ZAP70: variants seen among roughly 807,000 people sequenced by gnomAD.
The protein encoded by ZAP70 is zeta chain of T cell receptor associated protein kinase 70.
A neutral mutation model predicts 65.8 loss-of-function variants in ZAP70; 27 were observed. The observed-to-expected ratio is 0.41, with a 90% confidence interval of 0.30 to 0.57. The LOEUF (loss-of-function observed/expected upper bound fraction) is 0.57. Ranked by LOEUF, ZAP70 falls within the 20% of genes least tolerant of loss-of-function variation. The pLI, the probability that ZAP70 is intolerant of heterozygous loss-of-function variation, is 0.28. For missense variants in ZAP70, 696 were observed against 870.5 expected, an observed-to-expected ratio of 0.80 and a Z score of 2.52; for synonymous variants, 363 against 360.8, an observed-to-expected ratio of 1.01 and a Z score of -0.07.
At position 97,724,052 on chromosome 2, in the gene ZAP70, G is replaced by A. The variant is rs1677267957; in HGVS notation, c.16G>A (p.Ala6Thr). The A allele has an allele frequency of 1.9e-6, 3 of 1,553,760 alleles. No homozygotes were observed. The East Asian group carries it at 7.1e-5, about 37-fold the overall frequency. Reference sequence around the variant, plus strand: ...CCCAGGGGCGATGCCAGACCCCGCGGCGCACCTGCCCTTCTTCTACGGCAG... The same window carrying A: ...CCCAGGGGCGATGCCAGACCCCGCGACGCACCTGCCCTTCTTCTACGGCAG... MPDPA[A>T]HLPFFYGSIS... The change falls in exon 3 of 14, where the codon GCG (alanine) becomes ACG (threonine). Residue 6 changes from alanine (A) to threonine (T), a missense_variant. Physicochemically the swap from Ala to Thr is moderately conservative, Grantham distance 58. Coordinates refer to ENST00000264972, the MANE Select transcript of ZAP70 (RefSeq NM_001079.4).
Position 97,737,698 on chromosome 2 carries a change from TG to T in ZAP70, c.1482+36del. 1 of 1,614,062 alleles carries T rather than the reference TG, an allele frequency of 6.2e-7. No individual in the cohort carries two copies. Among genetic ancestry groups the T allele is most frequent in the Non-Finnish European group, 8.5e-7 (1 of 1,179,964 alleles). On this transcript the variant is annotated intron_variant, in intron 11 of 13. Coordinates refer to ENST00000264972, the MANE Select transcript of ZAP70 (RefSeq NM_001079.4). The surrounding 1 kb of genome is among the most constrained non-coding windows in gnomAD (Gnocchi z 5.0). ...TCTGCCCCTGTGATGCCCGACTGGA[TG>T]GGCTGGGTGGGTAGAGGGTCCCTGA...
At chr2:97,721,908 C>T (rs986553065) in intron 2 of ZAP70, among the ~76,000 whole-genome samples, 1 of 151,666 alleles carries the variant, frequency 6.6e-6, no homozygotes, top group Non-Finnish European at 1.5e-5. Context: ...TTCAGCCTCC[C>T]GAGTAGCTGG....
At chr2:97,735,019 T>C in intron 9 of ZAP70, 1 of 655,168 alleles carries the variant, frequency 1.5e-6, no homozygotes, top group South Asian at 1.9e-5. Context: ...AGGGTGTCAC[T>C]TTGGATTCTT....
In ZAP70 at chr2:97,737,705, G is replaced by C. The variant is rs1458929322; in HGVS notation, c.1482+40G>C. ...CTGTGATGCCCGACTGGATGGGCTG[G>C]GTGGGTAGAGGGTCCCTGACCCCTG... On this transcript the variant is annotated intron_variant, in intron 11 of 13. Transcript: ENST00000264972. This position sits in a 1 kb window ranked among gnomAD's most constrained non-coding sequence, Gnocchi z 5.0. 2.5e-6 allele frequency: 4 copies of C among 1,613,948 alleles called. No homozygotes were observed. Among genetic ancestry groups the C allele is most frequent in the Non-Finnish European group, 3.4e-6 (4 of 1,179,990 alleles).
chr2:97,744,482 C>T (rs927714485), downstream of ZAP70, among the ~76,000 whole-genome samples: 1 of 152,164 alleles, frequency 6.6e-6, no homozygotes, highest in Non-Finnish European at 1.5e-5. Context: ...CTGTGTTTAC[C>T]TTTCTGAGTA....
At chr2:97,716,745 G>A (rs1301017823) in intron 2 of ZAP70, among the ~76,000 whole-genome samples, 1 of 152,126 alleles carries the variant, frequency 6.6e-6, no homozygotes, top group Non-Finnish European at 1.5e-5. Context: ...ATCATGAAGG[G>A]CCTTGGGGGC....
At chr2:97,750,941 C>T in the ZAP70 span, among the ~76,000 whole-genome samples, 4 of 152,306 alleles carry the variant, frequency 2.6e-5, no homozygotes, top group East Asian at 3.9e-4. Flanking sequence ...TCTCTCTAGT[C>T]GTTTTATTCC....
chr2:97,739,125 C>T (rs550782765), intron 13 of ZAP70, among the ~76,000 whole-genome samples: 6 of 152,290 alleles, frequency 3.9e-5, no homozygotes, highest in South Asian at 2.1e-4. Context: ...CACTGGTCAA[C>T]GCTCGGTAGA....
chr2:97,737,923 C>A lies in ZAP70; in HGVS notation c.1623+26C>A. On this transcript the variant is annotated intron_variant, in intron 12 of 13. Transcript: ENST00000264972. The surrounding 1 kb of genome is among the most constrained non-coding windows in gnomAD (Gnocchi z 5.0). The stretch of plus-strand genomic sequence containing the variant: ...GCAGGCGCGGGCAGAGGCAGGTGGG[C>A]GGTGTGGTGGGGAGGGGGATGAGGA... 6.2e-7 allele frequency: 1 copy of A among 1,613,942 alleles called. No homozygotes were observed. Among genetic ancestry groups the A allele is most frequent in the Non-Finnish European group, 8.5e-7 (1 of 1,179,876 alleles).
the ZAP70 span, among the ~76,000 whole-genome samples, chr2:97,755,874 G>GTGAC: frequency 2.0e-5 from 3 of 152,350 alleles, no homozygotes; most frequent in African/African-American, 7.2e-5. Flanking sequence ...CCTGAGAATG[G>GTGAC]TGACTGTGAC....
intron 3 of ZAP70, 188 bp from the exon 4 acceptor site, chr2:97,724,904 T>C (rs1391178153): frequency 6.5e-7 from 1 of 1,532,916 alleles, no homozygotes; most frequent in Non-Finnish European, 8.7e-7. Flanking sequence ...GTGGGGGTGG[T>C]TCCTCCCTAG....
intron 4 of ZAP70, among the ~76,000 whole-genome samples, chr2:97,732,127 C>T (rs1573276840): frequency 6.6e-6 from 1 of 152,284 alleles, no homozygotes; most frequent in East Asian, 1.9e-4. Context: ...CCCACAAATG[C>T]ACCACCTTTG....
At chr2:97,738,425 C>T (rs1453783031) in intron 13 of ZAP70, 2 of 421,398 alleles carry the variant, frequency 4.7e-6, no homozygotes, top group Non-Finnish European at 9.0e-6. Context: ...ACCTATGACA[C>T]TGACACTCAG....
rs192325636 is a variant in ZAP70 at position 97,735,532 on chromosome 2, G to C, written c.1289+76G>C. ...CTGGGCATGGTGGACATGCACCCGC[G>C]TGCATGCGTGTGTGGGAAGCCGGGG... On this transcript the variant is annotated intron_variant, in intron 10 of 13. Transcript: ENST00000264972. The C allele has an allele frequency of 7.3e-3, 10,983 of 1,512,248 alleles. 971 individuals are homozygous for C. In the Admixed American group the frequency reaches 0.16, roughly 23 times the overall value. 93.7% of individuals were successfully genotyped at this position (1,512,248 alleles called of 1,614,324 possible).
At chr2:97,728,242 G>T (rs190786590) in intron 4 of ZAP70, among the ~76,000 whole-genome samples, 1 of 152,210 alleles carries the variant, frequency 6.6e-6, no homozygotes, top group African/African-American at 2.4e-5. Flanking sequence ...TCAAACTGGC[G>T]TGCAGTCTCC....
Position 97,733,001 on chromosome 2 carries a change from A to G in ZAP70, c.682A>G (p.Lys228Glu). ...CAAGTACTGCATTCCCGAGGGCACCAAGTTTGACACGCTCTGGCAGGTAGG... is the reference window on the plus strand; with the variant it reads ...CAAGTACTGCATTCCCGAGGGCACCGAGTTTGACACGCTCTGGCAGGTAGG... Reference protein sequence around the residue: ...AGKYCIPEGTKFDTLWQLVEY... With the variant: ...AGKYCIPEGTEFDTLWQLVEY... The change falls in exon 5 of 14, where the codon AAG (lysine) becomes GAG (glutamate). Residue 228 changes from lysine (K) to glutamate (E), a missense_variant. Coordinates refer to ENST00000264972, the MANE Select transcript of ZAP70 (RefSeq NM_001079.4). 1 of 1,614,132 alleles carries G rather than the reference A, an allele frequency of 6.2e-7. No homozygotes were observed. The highest frequency in any genetic ancestry group is 8.5e-7 in the Non-Finnish European group (1 of 1,180,040).
the ZAP70 span, among the ~76,000 whole-genome samples, chr2:97,755,707 T>TCCCTGCTGTCTTCCCTCTGTGC: frequency 5.9e-5 from 9 of 152,056 alleles, no homozygotes; most frequent in East Asian, 1.9e-4. Context: ...GCTGCCCGAG[T>TCCCTGCTGTCTTCCCTCTGTGC]CCCTGCTGTC....
the ZAP70 span, among the ~76,000 whole-genome samples, chr2:97,754,503 A>G: frequency 1.3e-5 from 2 of 152,104 alleles, no homozygotes; most frequent in African/African-American, 4.8e-5. Context: ...CCCAGGTTCA[A>G]GTAATTCTCC....
chr2:97,739,296 C>A, intron 13 of ZAP70, 79 bp from the exon 14 acceptor site: 1 of 1,589,796 alleles, frequency 6.3e-7, no homozygotes, highest in Non-Finnish European at 8.6e-7. Flanking sequence ...CTCAGCCAAG[C>A]ACAGTGCATG....
Sources: gnomAD v4.1 joint callset for allele counts (sites outside exome capture counted in the v4.1 genomes callset) on GRCh38, gnomAD v4.1.1 for gene constraint, Gnocchi (gnomAD v3.1) non-coding constraint, MANE v1.5 for transcripts, NCBI Gene and HGNC (gene_info 2026-07-23, HGNC 2026-07-21) for gene names.